The following DYM variants were observed in gnomAD, a reference collection of about 807,000 sequenced individuals.
DYM encodes the protein dyggve-Melchior-Clausen syndrome protein.
A neutral mutation model predicts 93.1 loss-of-function variants in DYM; 78 were observed. The observed-to-expected ratio is 0.84, with a 90% CI of 0.70 to 1.01. DYM has a LOEUF of 1.01. Among genes scored for constraint, DYM ranks in the 50% least tolerant of loss-of-function variants. DYM has a pLI of 0.00. For synonymous variants in DYM, 321 were observed against 319.7 expected, an observed-to-expected ratio of 1.00 and a Z score of -0.04; for missense variants, 789 against 845.0, an observed-to-expected ratio of 0.93 and a Z score of 0.82.
chr18:49,108,077 T>G (rs187813262), intron 16 of DYM, among the ~76,000 whole-genome samples: 1 of 144,922 alleles, frequency 6.9e-6, no homozygotes, highest in Non-Finnish European at 1.5e-5. Flanking sequence ...CCTGGCCACT[T>G]TGTTTACCTA....
In DYM at chr18:49,281,980, T is replaced by C; in HGVS notation, c.1125+17A>G. The C allele has an allele frequency of 6.2e-7, 1 of 1,610,430 alleles. No individual in the cohort carries two copies. The highest frequency in any genetic ancestry group is 8.5e-7 in the Non-Finnish European group (1 of 1,177,610). On this transcript the variant is annotated intron_variant, in intron 10 of 17. Coordinates refer to ENST00000675505, the MANE Select transcript of DYM (RefSeq NM_001353214.3). ...AAAAAAAATACAAACGCATGGAATG[T>C]TTAGTATGATACTTACAAGATTTTC... is the stretch of plus-strand genomic sequence containing the variant.
intron 14 of DYM, among the ~76,000 whole-genome samples, chr18:49,170,552 C>T (rs759244930): frequency 5.3e-5 from 8 of 151,800 alleles, no homozygotes; most frequent in Non-Finnish European, 7.4e-5. Flanking sequence ...GAGGCTGAGG[C>T]GGGTGGATCA....
intron 14 of DYM, among the ~76,000 whole-genome samples, chr18:49,203,845 T>G (rs1358849762): frequency 2.1e-5 from 1 of 47,982 alleles, no homozygotes; most frequent in African/African-American, 7.9e-5. Context: ...CCAAGAATTA[T>G]CAATAAAAAA....
chr18:49,143,488 G>A (rs545877386), intron 15 of DYM, among the ~76,000 whole-genome samples: 8 of 152,204 alleles, frequency 5.3e-5, no homozygotes, highest in Admixed American at 1.3e-4. Context: ...TACTTTCGAT[G>A]CAGTATTTAA....
At chr18:49,096,692 T>C (rs1213402308) in intron 17 of DYM, among the ~76,000 whole-genome samples, 1 of 152,216 alleles carries the variant, frequency 6.6e-6, no homozygotes, top group Non-Finnish European at 1.5e-5. Context: ...ATGAGTTTTA[T>C]ATTGTGAGAC....
At chr18:49,282,316 TG>T in intron 9 of DYM, 141 bp from the exon 10 acceptor site, 2 of 961,812 alleles carry the variant, frequency 2.1e-6, no homozygotes, top group Non-Finnish European at 1.6e-6. Context: ...TTTTAATTTA[TG>T]TAAAATTTAC....
At chr18:49,312,595 C>T (rs1461363161) in intron 8 of DYM, among the ~76,000 whole-genome samples, 1 of 152,158 alleles carries the variant, frequency 6.6e-6, no homozygotes, top group Admixed American at 6.5e-5. Flanking sequence ...ATTTTCATAG[C>T]TCAATAAAAT....
At chr18:49,183,131 A>AT (rs1465093789) in intron 14 of DYM, among the ~76,000 whole-genome samples, 1 of 152,014 alleles carries the variant, frequency 6.6e-6, no homozygotes, top group Non-Finnish European at 1.5e-5. Flanking sequence ...TTTCACTGTG[A>AT]TTTTTTAAAT....
chr18:49,419,511 GA>G (rs2073392166), intron 2 of DYM, among the ~76,000 whole-genome samples: 1 of 152,172 alleles, frequency 6.6e-6, no homozygotes, highest in Non-Finnish European at 1.5e-5. Flanking sequence ...TATTTTTTAA[GA>G]AGTTCATCTT....
chr18:49,150,687 A>G (rs1777652813), intron 15 of DYM, among the ~76,000 whole-genome samples: 1 of 152,230 alleles, frequency 6.6e-6, no homozygotes. Flanking sequence ...AAGATGGATC[A>G]TTCATTCAGC....
chr18:49,118,681 T>C (rs1599876930), intron 16 of DYM, 63 bp downstream of exon 16: 1 of 1,466,254 alleles, frequency 6.8e-7, no homozygotes. Context: ...CCAAGGCTTA[T>C]TAAACATTCT....
intron 2 of DYM, among the ~76,000 whole-genome samples, chr18:49,406,562 AAAAAG>A (rs1056568991): frequency 2.0e-4 from 30 of 152,326 alleles, no homozygotes; most frequent in African/African-American, 4.8e-4. Context: ...CTCTGTCTCA[AAAAAG>A]AAAAGAAAAG....
chr18:49,426,248 A>C (rs1436375443), intron 2 of DYM, among the ~76,000 whole-genome samples: 1 of 152,008 alleles, frequency 6.6e-6, no homozygotes, highest in Admixed American at 6.6e-5. Flanking sequence ...CCTCTGTAGG[A>C]ACATGGATGA....
chr18:49,251,728 T>C (rs1467235218), intron 13 of DYM, among the ~76,000 whole-genome samples: 1 of 152,100 alleles, frequency 6.6e-6, no homozygotes, highest in East Asian at 1.9e-4. Context: ...ATAGAGAAGG[T>C]AAAGAACATC....
intron 8 of DYM, among the ~76,000 whole-genome samples, chr18:49,296,003 C>A (rs1300849584): frequency 6.6e-6 from 1 of 152,156 alleles, no homozygotes; most frequent in Non-Finnish European, 1.5e-5. Flanking sequence ...CTAACTGCAA[C>A]TTCCACCTCC....
intron 16 of DYM, among the ~76,000 whole-genome samples, chr18:49,111,117 G>A (rs1457363978): frequency 5.3e-5 from 8 of 151,978 alleles, no homozygotes; most frequent in African/African-American, 1.7e-4. Context: ...GTTGGTATAT[G>A]TCTTCTATAA....
chr18:49,306,677 T>C (rs954555449), intron 8 of DYM, among the ~76,000 whole-genome samples: 5 of 152,218 alleles, frequency 3.3e-5, no homozygotes, highest in African/African-American at 9.6e-5. Flanking sequence ...GAGCATGTGG[T>C]AACAGGCTTC....
At chr18:49,180,937 T>C (rs968995479) in intron 14 of DYM, among the ~76,000 whole-genome samples, 1 of 152,192 alleles carries the variant, frequency 6.6e-6, no homozygotes, top group Non-Finnish European at 1.5e-5. Flanking sequence ...GGGCTCTGCA[T>C]TGCCAGCTAT....
intron 8 of DYM, among the ~76,000 whole-genome samples, chr18:49,289,386 T>A (rs949674584): frequency 5.1e-4 from 68 of 132,466 alleles, no homozygotes; most frequent in South Asian, 7.1e-4. Flanking sequence ...AGGATTTTTT[T>A]AAAAATCTAC....
Sources: gnomAD v4.1 joint callset for allele counts (sites outside exome capture counted in the v4.1 genomes callset) on GRCh38, gnomAD v4.1.1 for gene constraint, MANE v1.5 for transcripts, NCBI Gene and HGNC (gene_info 2026-07-23, HGNC 2026-07-21) for gene names.